KIF7: variants seen among roughly 807,000 people sequenced by gnomAD.
KIF7 encodes kinesin family member 7.
A neutral mutation model predicts 135.7 loss-of-function variants in KIF7; 104 were observed. The ratio of observed to expected loss-of-function variants is 0.77; its 90% confidence interval spans 0.65 to 0.90. KIF7 has a LOEUF of 0.90. Among genes scored for constraint, KIF7 ranks in the 40% least tolerant of loss-of-function variants. The pLI is 0.00. For synonymous variants in KIF7, 883 were observed against 809.4 expected, an observed-to-expected ratio of 1.09 and a Z score of -1.54; for missense variants, 2,005 against 1,839.1, an observed-to-expected ratio of 1.09 and a Z score of -1.65.
intron 1 of KIF7, among the ~76,000 whole-genome samples, chr15:89,622,562 G>T (rs1021992240): frequency 6.6e-6 from 1 of 152,310 alleles, no homozygotes; most frequent in East Asian, 1.9e-4. Context: ...TGGAAACTCA[G>T]TAAATTGCTT....
At chr15:89,644,909 C>A (rs1162376325) in intron 10 of KIF7, 104 bp downstream of exon 10, 1 of 1,487,478 alleles carries the variant, frequency 6.7e-7, no homozygotes, top group African/African-American at 1.4e-5. Flanking sequence ...CCATCCGGCC[C>A]CTGCTCCTAA....
rs200473560 is a variant in KIF7, at chr15:89,646,878, C to A, written c.1740G>T (p.Pro580=). The A allele has an allele frequency of 6.2e-7, 1 of 1,614,062 alleles. No individual in the cohort carries two copies. The highest frequency in any genetic ancestry group is 8.5e-7 in the Non-Finnish European group (1 of 1,180,032). Residue 580 remains proline, a synonymous_variant, in exon 7 of 19, where the codon CCG becomes CCT. Transcript: ENST00000394412. ...CTTCATCTCCAGGGAGGCAGGCAGGCGGCACCATGCCCAGCACATGGGCGT... is the reference window on the plus strand; with the variant it reads ...CTTCATCTCCAGGGAGGCAGGCAGGAGGCACCATGCCCAGCACATGGGCGT... ...GAHAHVLGMV[P]PACLPGDEVG... is the part of the protein sequence containing the mutation.
intron 14 of KIF7, among the ~76,000 whole-genome samples, chr15:89,632,166 G>A (rs1450615670): frequency 1.3e-5 from 2 of 152,194 alleles, no homozygotes; most frequent in East Asian, 1.9e-4. Context: ...AGTGATGCGT[G>A]CTGGCAGGAG....
Position 89,628,708 on chromosome 15 carries a change from A to T in KIF7, c.3743T>A (p.Leu1248His), listed in dbSNP as rs778763577. ...CTCAGTGAGGGGGGACAGCCAGAGAAGCTCGGGTGCCAGGTGGAGCTCATC... is the reference window on the plus strand; with the variant it reads ...CTCAGTGAGGGGGGACAGCCAGAGATGCTCGGGTGCCAGGTGGAGCTCATC... The part of the protein sequence containing the change: ...NEDELHLAPE[L>H]LWLSPLTEGA... Residue 1248 changes from leucine to histidine, a missense_variant, in exon 19 of 19, where the codon CTT becomes CAT. Leu to His is a moderately conservative substitution (Grantham distance 99). Coordinates refer to ENST00000394412, the MANE Select transcript of KIF7 (RefSeq NM_198525.3). 1.2e-6 allele frequency: 2 copies of T among 1,613,064 alleles called. No individual in the cohort carries two copies. The highest frequency in any genetic ancestry group is 2.2e-5 in the South Asian group (2 of 91,086).
At chr15:89,651,092 T>C (rs1964116299) in intron 2 of KIF7, among the ~76,000 whole-genome samples, 1 of 151,632 alleles carries the variant, frequency 6.6e-6, no homozygotes, top group African/African-American at 2.4e-5. Context: ...CCACCATGCT[T>C]GGCCAGTTTT....
rs372875329 is a variant in KIF7, at chr15:89,629,004, G to A, written c.3636C>T (p.Gly1212=). Residue 1212 remains glycine, a synonymous_variant, in exon 18 of 19, where the codon GGC becomes GGT. Coordinates refer to ENST00000394412, the MANE Select transcript of KIF7 (RefSeq NM_198525.3). The stretch of plus-strand genomic sequence containing the variant: ...TGCTGTGGCCTACAGCGTTCACACC[G>A]CCGAGCTTCTGTTTCAGTTCCTGGT... ...WINQELKQKL[G]GVNAVGHSRG... is the part of the protein sequence containing the mutation. 32 of 1,613,600 alleles carry A rather than the reference G, an allele frequency of 2.0e-5. No individual in the cohort carries two copies. Among genetic ancestry groups the A allele is most frequent in the South Asian group, 4.4e-5 (4 of 91,066 alleles).
chr15:89,659,997 G>T (rs1382162767), upstream of KIF7, among the ~76,000 whole-genome samples: 2 of 152,226 alleles, frequency 1.3e-5, no homozygotes, highest in Admixed American at 1.3e-4. Context: ...AGGAGTTGGA[G>T]ACCAGCCTGG....
At chr15:89,647,512 C>T (rs1479322704) in intron 6 of KIF7, 84 bp downstream of exon 6, 4 of 1,221,238 alleles carry the variant, frequency 3.3e-6, no homozygotes, top group Non-Finnish European at 4.8e-6. Flanking sequence ...ACCCTAACTC[C>T]CTCCCATCCT....
At position 89,648,186 on chromosome 15, in the gene KIF7, G is replaced by A. The variant is rs541235372; in HGVS notation, c.1443+69C>T. On this transcript the variant is annotated intron_variant, in intron 5 of 18. Transcript: ENST00000394412. ...GGCAGGGGCGCAGCTGCTGTCTGAAGACCCTCTTCCTTCCTCTCCACCACT... is the reference window on the plus strand; with the variant it reads ...GGCAGGGGCGCAGCTGCTGTCTGAAAACCCTCTTCCTTCCTCTCCACCACT... 1.5e-4 allele frequency: 208 copies of A among 1,390,294 alleles called. 1 individual carries two copies. In the East Asian group the frequency reaches 6.0e-3, roughly 40 times the overall value. The allele number at this position is 1,390,294 out of a possible 1,614,324, so 86.1% of individuals were successfully genotyped here. A position where few individuals can be genotyped will look rare whatever the true frequency, so the allele number is the denominator to read the frequency against.
At chr15:89,662,612 GC>G in the KIF7 span, among the ~76,000 whole-genome samples, 1 of 152,228 alleles carries the variant, frequency 6.6e-6, no homozygotes, top group Admixed American at 6.5e-5. Flanking sequence ...GGTTTTGTAA[GC>G]TAGGATGGAA....
downstream of KIF7, chr15:89,623,932 C>G (rs1470550962): frequency 6.2e-7 from 1 of 1,614,066 alleles, no homozygotes; most frequent in Admixed American, 1.7e-5. Context: ...TGGGTTTTTG[C>G]CAAACTGTAC....
chr15:89,623,712 T>C, downstream of KIF7: 1 of 1,613,982 alleles, frequency 6.2e-7, no homozygotes. Context: ...CGTTGTATAC[T>C]CCAGAAAGGC....
At chr15:89,625,964 G>C (rs745875002), downstream of KIF7, 2 of 1,597,862 alleles carry the variant, frequency 1.3e-6, no homozygotes, top group South Asian at 2.3e-5. Flanking sequence ...GCTGTGCCGT[G>C]CGGAGCTGCC....
At chr15:89,623,113 G>T (rs141302443), downstream of KIF7, among the ~76,000 whole-genome samples, 1 of 152,226 alleles carries the variant, frequency 6.6e-6, no homozygotes, top group Admixed American at 6.5e-5. Flanking sequence ...TTATTGGGGA[G>T]TGTCTTTTCT....
intron 6 of KIF7, 127 bp from the exon 7 acceptor site, chr15:89,647,184 C>G (rs1964029725): frequency 1.3e-6 from 1 of 776,350 alleles, no homozygotes; most frequent in African/African-American, 1.7e-5. Flanking sequence ...GTCAAATACT[C>G]CTCTCCTCCC....
intron 7 of KIF7, 45 bp downstream of exon 7, chr15:89,646,785 C>A (rs2142024599): frequency 6.3e-7 from 1 of 1,581,556 alleles, no homozygotes; most frequent in Non-Finnish European, 8.7e-7. Flanking sequence ...CGAACTTGAC[C>A]AGTCCAGCAG....
chr15:89,621,494 C>A, intron 1 of KIF7: 11 of 1,613,924 alleles, frequency 6.8e-6, no homozygotes, highest in Non-Finnish European at 8.5e-6. Flanking sequence ...GGGTTCAGCT[C>A]GAATGAAAAA....
rs547471633 is a variant in KIF7 at position 89,653,171 on chromosome 15, G to A, written c.-24-217C>T. Reference sequence around the variant, plus strand: ...CCCACAGGAACATGTCATGGCTTCCGGCACTGGCGAAATGAGGCCCTAACT... The same window carrying A: ...CCCACAGGAACATGTCATGGCTTCCAGCACTGGCGAAATGAGGCCCTAACT... On this transcript the variant is annotated intron_variant, in intron 1 of 18. Coordinates refer to ENST00000394412, the MANE Select transcript of KIF7 (RefSeq NM_198525.3). 1.2e-4 allele frequency among the ~76,000 whole-genome samples: 19 copies of A among 152,298 alleles called. No individual in the cohort carries two copies. In the South Asian group the frequency reaches 3.5e-3, roughly 28 times the overall value.
At chr15:89,660,749 C>T in the KIF7 span, among the ~76,000 whole-genome samples, 4 of 152,156 alleles carry the variant, frequency 2.6e-5, no homozygotes, top group East Asian at 5.8e-4. Flanking sequence ...AGTCTACTTC[C>T]CTGTCCCATT....
Sources: gnomAD v4.1 joint callset for allele counts (sites outside exome capture counted in the v4.1 genomes callset) on GRCh38, gnomAD v4.1.1 for gene constraint, MANE v1.5 for transcripts, NCBI Gene and HGNC (gene_info 2026-07-23, HGNC 2026-07-21) for gene names.